HFM1: variants seen among roughly 807,000 people sequenced by gnomAD.
The protein encoded by HFM1 is helicase for meiosis 1, also known as probable ATP-dependent DNA helicase HFM1.
A neutral mutation model predicts 192.1 loss-of-function variants in HFM1; 169 were observed. The observed-to-expected ratio is 0.88, with a 90% CI of 0.78 to 1.00. The LOEUF (loss-of-function observed/expected upper bound fraction) is 1.00, where lower values mean the gene tolerates loss of function less well. Ranked by LOEUF, HFM1 falls within the 50% of genes least tolerant of loss-of-function variation. The pLI is 0.00. For synonymous variants in HFM1, 525 were observed against 537.8 expected, an observed-to-expected ratio of 0.98 and a Z score of 0.33; for missense variants, 1,661 against 1,668.0, an observed-to-expected ratio of 1.00 and a Z score of 0.07.
chr1:91,274,838 T>C, intron 32 of HFM1, 29 bp from the exon 33 acceptor site: 2 of 1,192,142 alleles, frequency 1.7e-6, no homozygotes, highest in Non-Finnish European at 2.5e-6. Context: ...TAAGTTCAAC[T>C]ATCAGTTTCA....
chr1:91,292,146 C>T (rs1368685105), intron 30 of HFM1, among the ~76,000 whole-genome samples: 2 of 151,504 alleles, frequency 1.3e-5, no homozygotes, highest in Admixed American at 6.6e-5. Flanking sequence ...TGGCACAAGA[C>T]AGGGATGCCC....
intron 19 of HFM1, among the ~76,000 whole-genome samples, chr1:91,346,791 A>C (rs373637610): frequency 2.2e-4 from 34 of 152,332 alleles, no homozygotes; most frequent in African/African-American, 7.9e-4. Context: ...GCCCATAATC[A>C]ATCTAGGCTT....
At chr1:91,311,539 T>C (rs1039472651) in intron 30 of HFM1, among the ~76,000 whole-genome samples, 2 of 151,722 alleles carry the variant, frequency 1.3e-5, no homozygotes, top group African/African-American at 4.8e-5. Flanking sequence ...GACAGGAGAA[T>C]TGCTTGAACC....
intron 30 of HFM1, among the ~76,000 whole-genome samples, chr1:91,299,499 C>G (rs1489370107): frequency 6.6e-6 from 1 of 152,100 alleles, no homozygotes; most frequent in South Asian, 2.1e-4. Flanking sequence ...CAGCACCACA[C>G]CACACCTATT....
At chr1:91,320,922 C>T (rs571582653) in intron 23 of HFM1, among the ~76,000 whole-genome samples, 2 of 152,226 alleles carry the variant, frequency 1.3e-5, no homozygotes, top group Non-Finnish European at 2.9e-5. Context: ...AGTATTGATT[C>T]GGTTAGAATT....
At chr1:91,352,799 G>C in intron 15 of HFM1, 148 bp from the exon 16 acceptor site, 1 of 648,210 alleles carries the variant, frequency 1.5e-6, no homozygotes. Context: ...ATCTAAAATA[G>C]TAACACACCT....
intron 30 of HFM1, among the ~76,000 whole-genome samples, chr1:91,296,891 A>G (rs183745796): frequency 8.1e-4 from 123 of 152,290 alleles, no homozygotes; most frequent in African/African-American, 2.8e-3. Context: ...TGATTTCTGC[A>G]TTTCTAACTG....
intron 4 of HFM1, among the ~76,000 whole-genome samples, chr1:91,388,813 A>G (rs1662566139): frequency 6.6e-6 from 1 of 151,924 alleles, no homozygotes; most frequent in Non-Finnish European, 1.5e-5. Context: ...ACTCTATCAA[A>G]ATTTAAAACT....
Position 91,315,831 on chromosome 1 carries a change from A to T in HFM1, c.3124T>A (p.Tyr1042Asn). 6.2e-7 allele frequency: 1 copy of T among 1,609,264 alleles called. No individual in the cohort carries two copies. Among genetic ancestry groups the T allele is most frequent in the Non-Finnish European group, 8.5e-7 (1 of 1,177,236 alleles). Residue 1042 changes from tyrosine (Y) to asparagine (N), a missense_variant, in exon 28 of 39, where the codon TAT (tyrosine) becomes AAT (asparagine). Physicochemically the swap from Tyr to Asn is moderately radical, Grantham distance 143. Coordinates refer to ENST00000370425, the MANE Select transcript of HFM1 (RefSeq NM_001017975.6). The stretch of plus-strand genomic sequence containing the variant: ...CACACTTACGTAATCTTGTGCAGAT[A>T]AACTACTTGATTATCTGCGTCACCT... ...IIGDADNQVV[Y>N]LHKITDSVLL...
In HFM1 at chr1:91,401,114, A is replaced by T; in HGVS notation, c.-27-5T>A. The T allele has an allele frequency of 1.7e-6, 2 of 1,190,184 alleles. No homozygotes were observed. Among genetic ancestry groups the T allele is most frequent in the Non-Finnish European group, 2.4e-6 (2 of 833,764 alleles). The allele number at this position is 1,190,184 out of a possible 1,614,324, so 73.7% of individuals were successfully genotyped here. On this transcript the variant is annotated splice_region_variant and splice_polypyrimidine_tract_variant and intron_variant, in intron 1 of 38. Coordinates refer to ENST00000370425, the MANE Select transcript of HFM1 (RefSeq NM_001017975.6). ...AAACTGGACTTTGTCATAAATCTAC[A>T]AAATATGGAAAAAGTAGTTTATATT...
rs777857782 is a variant in HFM1 at position 91,352,577 on chromosome 1, C to A, written c.1906G>T (p.Ala636Ser). The A allele has an allele frequency of 8.7e-6, 14 of 1,609,616 alleles. No individual in the cohort carries two copies. The highest frequency in any genetic ancestry group is 1.3e-5 in the African/African-American group (1 of 74,680). The change falls in exon 16 of 39, where the codon GCT (alanine) becomes TCT (serine). Residue 636 changes from alanine (A) to serine (S), a missense_variant. Ala to Ser is a moderately conservative substitution (Grantham distance 99, BLOSUM62 1). Coordinates refer to ENST00000370425, the MANE Select transcript of HFM1 (RefSeq NM_001017975.6). ...LVVIKSTMHYAGGLFEEYSET... is the reference protein window; with the variant it reads ...LVVIKSTMHYSGGLFEEYSET... ...CTGTACTCTTCAAACAGTCCTCCAGCATAATGCATTGTAGATTTTATAACT... is the reference window on the plus strand; with the variant it reads ...CTGTACTCTTCAAACAGTCCTCCAGAATAATGCATTGTAGATTTTATAACT...
chr1:91,358,168 T>G (rs1657999950), intron 13 of HFM1, among the ~76,000 whole-genome samples: 1 of 151,990 alleles, frequency 6.6e-6, no homozygotes, highest in Non-Finnish European at 1.5e-5. Flanking sequence ...GCTAACATGG[T>G]GAAACCCCAT....
At chr1:91,301,237 G>T (rs1241320990) in intron 30 of HFM1, among the ~76,000 whole-genome samples, 3 of 150,932 alleles carry the variant, frequency 2.0e-5, no homozygotes, top group Non-Finnish European at 3.0e-5. Context: ...GGATGTGAAG[G>T]ACCTCTTCAA....
In HFM1 at chr1:91,385,197, G is replaced by C; in HGVS notation, c.792C>G (p.Val264=). The change falls in exon 6 of 39, where the codon GTC becomes GTG. Residue 264 remains valine (V), a synonymous_variant. Coordinates refer to ENST00000370425, the MANE Select transcript of HFM1 (RefSeq NM_001017975.6). ...TAACTTAAAGGATACGAATTTCTGT[G>C]ACAGCCTTCAAGGAACCTAAACCAT... ...TENGLGSLKA[V]TEIPAKFRSI... The C allele has an allele frequency of 6.4e-7, 1 of 1,554,384 alleles. No individual in the cohort carries two copies. The highest frequency in any genetic ancestry group is 8.8e-7 in the Non-Finnish European group (1 of 1,132,646).
chr1:91,277,682 A>C (rs1451528914), intron 30 of HFM1, among the ~76,000 whole-genome samples: 1 of 131,038 alleles, frequency 7.6e-6, no homozygotes, highest in Admixed American at 9.1e-5. Flanking sequence ...TACACTATAT[A>C]TAATATATAC....
intron 20 of HFM1, among the ~76,000 whole-genome samples, chr1:91,332,586 A>C (rs915595854): frequency 6.6e-6 from 1 of 152,196 alleles, no homozygotes; most frequent in African/African-American, 2.4e-5. Flanking sequence ...CAGGCAACAA[A>C]AAATGGACAA....
chr1:91,392,102 T>C (rs1326865539), intron 4 of HFM1, among the ~76,000 whole-genome samples: 1 of 152,058 alleles, frequency 6.6e-6, no homozygotes, highest in Admixed American at 6.5e-5. Context: ...AAACAACAGG[T>C]GCTGGAGAGG....
chr1:91,346,732 A>G (rs866525099), intron 19 of HFM1, among the ~76,000 whole-genome samples: 3 of 152,346 alleles, frequency 2.0e-5, no homozygotes, highest in Middle Eastern at 3.4e-3. Flanking sequence ...CTAAATAACA[A>G]AGCTGAGGTT....
At chr1:91,350,661 T>G in intron 18 of HFM1, 77 bp downstream of exon 18, 1 of 1,332,296 alleles carries the variant, frequency 7.5e-7, no homozygotes, top group Non-Finnish European at 1.1e-6. Context: ...AATCTATCTA[T>G]CCTGTAACTT....
Sources: gnomAD v4.1 joint callset for allele counts (sites outside exome capture counted in the v4.1 genomes callset) on GRCh38, gnomAD v4.1.1 for gene constraint, MANE v1.5 for transcripts, NCBI Gene and HGNC (gene_info 2026-07-23, HGNC 2026-07-21) for gene names.